The following FGF14 variants were observed in gnomAD, a reference collection of about 807,000 sequenced individuals.
The protein encoded by FGF14 is fibroblast growth factor homologous factor 4.
Under a neutral mutation model 25.5 loss-of-function variants are expected in FGF14, and 5 were observed. That is an observed-to-expected ratio of 0.20 (90% CI 0.10 to 0.41). FGF14 has a LOEUF of 0.41. Ranked by LOEUF, FGF14 falls within the 10% of genes least tolerant of loss-of-function variation. The pLI is 1.00. For missense variants in FGF14, 222 were observed against 320.1 expected (o/e 0.69, Z 2.34); for synonymous variants, 138 against 118.3 (o/e 1.17, Z -1.08).
intron 1 of FGF14, among the ~76,000 whole-genome samples, chr13:102,353,906 C>T (rs1443550052): frequency 3.9e-5 from 6 of 152,148 alleles, no homozygotes; most frequent in Non-Finnish European, 1.5e-5. Context: ...CTCATTTCTT[C>T]TCTAGGTTCC....
upstream of FGF14, among the ~76,000 whole-genome samples, chr13:101,918,220 A>G (rs567416520): frequency 4.1e-4 from 62 of 151,890 alleles, no homozygotes; most frequent in South Asian, 2.1e-4. Context: ...AGCCGGGGGG[A>G]GGTTGGGAGA....
intron 1 of FGF14, among the ~76,000 whole-genome samples, chr13:101,907,476 C>A (rs1037132137): frequency 1.3e-5 from 2 of 152,044 alleles, no homozygotes; most frequent in South Asian, 2.1e-4. Context: ...AATTTGAATG[C>A]CAAATACTAT....
At chr13:102,098,218 T>C (rs1429953181) in intron 1 of FGF14, among the ~76,000 whole-genome samples, 1 of 152,214 alleles carries the variant, frequency 6.6e-6, no homozygotes, top group Non-Finnish European at 1.5e-5. Context: ...GCACCCTGCA[T>C]CTATGCAGAA....
At chr13:101,860,116 C>T (rs980244796) in intron 3 of FGF14, among the ~76,000 whole-genome samples, 5 of 152,018 alleles carry the variant, frequency 3.3e-5, no homozygotes, top group South Asian at 2.1e-4. Context: ...TTGAGCTTTA[C>T]GTGGTGCAGA....
At chr13:101,968,173 T>C (rs970872221) in intron 1 of FGF14, among the ~76,000 whole-genome samples, 3 of 152,184 alleles carry the variant, frequency 2.0e-5, no homozygotes, top group Non-Finnish European at 4.4e-5. Flanking sequence ...AGTAGATAAA[T>C]CTTGTCTAAG....
At chr13:102,015,302 C>T (rs201471830) in intron 1 of FGF14, among the ~76,000 whole-genome samples, 3 of 152,140 alleles carry the variant, frequency 2.0e-5, no homozygotes, top group African/African-American at 7.2e-5. Context: ...TAGAAAAAAG[C>T]TCTGCTTTCG....
chr13:102,293,882 TAGC>T (rs966494904), intron 1 of FGF14: 5 of 152,180 alleles, frequency 3.3e-5, no homozygotes, highest in Non-Finnish European at 7.4e-5. Flanking sequence ...CAGCTGATGA[TAGC>T]AGCTTGGTAC....
intron 3 of FGF14, among the ~76,000 whole-genome samples, chr13:101,761,496 C>T (rs1259000601): frequency 6.6e-6 from 1 of 152,130 alleles, no homozygotes; most frequent in East Asian, 1.9e-4. Flanking sequence ...CAGCAAGTCC[C>T]CTTCTACTGT....
At chr13:101,896,614 T>A (rs2030718174) in intron 1 of FGF14, among the ~76,000 whole-genome samples, 1 of 152,232 alleles carries the variant, frequency 6.6e-6, no homozygotes, top group African/African-American at 2.4e-5. Context: ...TTCTTTCCTG[T>A]CACTTAGGGA....
intron 1 of FGF14, among the ~76,000 whole-genome samples, chr13:102,158,332 A>C (rs375224939): frequency 2.6e-5 from 4 of 152,206 alleles, no homozygotes; most frequent in Non-Finnish European, 5.9e-5. Context: ...ATGGAATACT[A>C]TGCAGCCATA....
intron 1 of FGF14, among the ~76,000 whole-genome samples, chr13:101,995,963 AT>A (rs2139699323): frequency 6.6e-6 from 1 of 152,324 alleles, no homozygotes; most frequent in South Asian, 2.1e-4. Context: ...GATATAGTCA[AT>A]AATAACTTAA....
chr13:102,299,246 T>C (rs1304400942), intron 1 of FGF14, among the ~76,000 whole-genome samples: 1 of 152,096 alleles, frequency 6.6e-6, no homozygotes, highest in African/African-American at 2.4e-5. Context: ...CTTAAAAAAT[T>C]AGGGTGGTTG....
chr13:101,949,829 T>C (rs1360114171), intron 1 of FGF14, among the ~76,000 whole-genome samples: 1 of 152,182 alleles, frequency 6.6e-6, no homozygotes, highest in Non-Finnish European at 1.5e-5. Context: ...GAAACACAGC[T>C]GCTCTAAGCC....
At chr13:101,947,378 C>G (rs536104530) in intron 1 of FGF14, among the ~76,000 whole-genome samples, 1 of 152,254 alleles carries the variant, frequency 6.6e-6, no homozygotes, top group African/African-American at 2.4e-5. Context: ...AAGACACATG[C>G]ATTTGTATGT....
chr13:102,089,662 G>A (rs776320401), intron 1 of FGF14, among the ~76,000 whole-genome samples: 3 of 152,162 alleles, frequency 2.0e-5, no homozygotes, highest in Non-Finnish European at 2.9e-5. Context: ...ATGTACGTAA[G>A]GGGGCTATGA....
chr13:101,965,197 C>T (rs772094766), intron 1 of FGF14, among the ~76,000 whole-genome samples: 18 of 150,888 alleles, frequency 1.2e-4, no homozygotes, highest in Non-Finnish European at 2.4e-4. Context: ...TGCAGTCAGC[C>T]GAGATCAAGT....
intron 4 of FGF14, among the ~76,000 whole-genome samples, chr13:101,724,599 TATATATATA>T (rs2139674274): frequency 1.9e-4 from 1 of 5,248 alleles, no homozygotes; most frequent in South Asian, 0.011. Context: ...AATAATAAAA[TATATATATA>T]TATATATATA....
intron 1 of FGF14, among the ~76,000 whole-genome samples, chr13:101,929,270 AGTAACACCTGGAGCT>A (rs2034584324): frequency 6.6e-6 from 1 of 152,216 alleles, no homozygotes. Context: ...TCATGGAAAC[AGTAACACCTGGAGCT>A]GAGATTAAAA....
intron 1 of FGF14, among the ~76,000 whole-genome samples, chr13:101,900,279 G>C (rs1006622841): frequency 2.7e-4 from 41 of 151,614 alleles, no homozygotes; most frequent in Admixed American, 2.0e-3. Flanking sequence ...CTTGCACAAA[G>C]TTAAAAGAAC....
Sources: gnomAD v4.1 joint callset for allele counts (sites outside exome capture counted in the v4.1 genomes callset) on GRCh38, gnomAD v4.1.1 for gene constraint, MANE v1.5 for transcripts, NCBI Gene and HGNC (gene_info 2026-07-23, HGNC 2026-07-21) for gene names.